The following ADA2 variants were observed in gnomAD, a reference collection of about 807,000 sequenced individuals.
ADA2 encodes adenosine deaminase 2, also known as adenosine deaminase CECR1.
A neutral mutation model predicts 44.2 loss-of-function variants in ADA2; 29 were observed. That is an observed-to-expected ratio of 0.66 (90% CI 0.49 to 0.89). The LOEUF is 0.89. ADA2 is among the 40% of genes least tolerant of loss of function. The probability of loss-of-function intolerance (pLI) is 0.00; values close to 1 mark genes in which losing one functional copy is unlikely to be tolerated. For synonymous variants in ADA2, 215 were observed against 234.9 expected (o/e 0.92, Z 0.77); for missense variants, 637 against 644.8 (o/e 0.99, Z 0.13).
At chr22:17,204,354 C>A (rs867800283) in intron 3 of ADA2, among the ~76,000 whole-genome samples, 1 of 151,864 alleles carries the variant, frequency 6.6e-6, no homozygotes, top group Admixed American at 6.6e-5. Flanking sequence ...TGGTGGCTCA[C>A]GCCTGTAATC....
rs755006464 is a variant in ADA2, at chr22:17,203,792, G to A, written c.543-19C>T. The A allele has an allele frequency of 6.3e-7, 1 of 1,583,398 alleles. No individual in the cohort carries two copies. The highest frequency in any genetic ancestry group is 8.7e-7 in the Non-Finnish European group (1 of 1,153,666). On this transcript the variant is annotated intron_variant, in intron 3 of 9. Coordinates refer to ENST00000399837, the MANE Select transcript of ADA2 (RefSeq NM_001282225.2). The stretch of plus-strand genomic sequence containing the variant: ...CAGCAAGCTGTCCAAGACACGAAGT[G>A]GGGAGTGGCAGAGGCATGATCCAGG...
chr22:17,204,608 CAA>C (rs376188550), intron 3 of ADA2, among the ~76,000 whole-genome samples: 11 of 132,506 alleles, frequency 8.3e-5, no homozygotes, highest in African/African-American at 1.1e-4. Context: ...AGACTCATCT[CAA>C]AAAAAAAAAA....
chr22:17,193,300 GA>G, intron 4 of ADA2: 1 of 374,578 alleles, frequency 2.7e-6, no homozygotes, highest in Non-Finnish European at 5.0e-6. Flanking sequence ...GCGCAGCAAA[GA>G]AAATGAGTAG....
At chr22:17,196,840 C>G (rs1601444517) in intron 4 of ADA2, among the ~76,000 whole-genome samples, 1 of 152,120 alleles carries the variant, frequency 6.6e-6, no homozygotes, top group Non-Finnish European at 1.5e-5. Flanking sequence ...AAAGAAATAA[C>G]CTTTAAAAAA....
intron 4 of ADA2, among the ~76,000 whole-genome samples, chr22:17,195,707 T>C (rs1349436136): frequency 6.6e-6 from 1 of 151,994 alleles, no homozygotes; most frequent in Non-Finnish European, 1.5e-5. Context: ...CATATCATTC[T>C]GACCGATAAT....
chr22:17,209,081 G>T (rs1157212214), intron 2 of ADA2, among the ~76,000 whole-genome samples: 1 of 151,956 alleles, frequency 6.6e-6, no homozygotes, highest in African/African-American at 2.4e-5. Flanking sequence ...TATCCTATGT[G>T]GTAGCTTAGC....
Position 17,188,406 on chromosome 22 carries a change from C to T in ADA2, c.1014G>A (p.Lys338=). 2.5e-6 allele frequency: 4 copies of T among 1,614,122 alleles called. No homozygotes were observed. Among genetic ancestry groups the T allele is most frequent in the Non-Finnish European group, 3.4e-6 (4 of 1,179,994 alleles). ...EDTGHSLHDY[K]EALMIPAKDG... Reference sequence around the variant, plus strand: ...CCTTGGCGGGGATCATCAGAGCTTCCTTGTAGTCATGCAAGGAGTGGCCAG... The same window carrying T: ...CCTTGGCGGGGATCATCAGAGCTTCTTTGTAGTCATGCAAGGAGTGGCCAG... The change falls in exon 7 of 10, where the codon AAG becomes AAA. Residue 338 remains lysine, a synonymous_variant. Transcript: ENST00000399837.
chr22:17,216,991 C>T (rs1908632337), intron 1 of ADA2, among the ~76,000 whole-genome samples: 1 of 151,788 alleles, frequency 6.6e-6, no homozygotes, highest in African/African-American at 2.4e-5. Flanking sequence ...CTGTAATTAA[C>T]ATCCTTAAAG....
chr22:17,194,271 C>T lies in ADA2; in HGVS notation c.754-2461G>A, dbSNP rs113937208. On this transcript the variant is annotated intron_variant, in intron 4 of 9. Coordinates refer to ENST00000399837, the MANE Select transcript of ADA2 (RefSeq NM_001282225.2). ...AAATGCCCTTCCTCCTCCCGGGAGT[C>T]GGCTCTTGCCTCTGTGGCATCTCAG... is the stretch of plus-strand genomic sequence containing the variant. Among the ~76,000 whole-genome samples the T allele has an allele frequency of 6.0e-3, 909 of 152,218 alleles. 2 individuals are homozygous for T. Among genetic ancestry groups the T allele is most frequent in the Non-Finnish European group, 8.9e-3 (603 of 68,006 alleles).
intron 4 of ADA2, among the ~76,000 whole-genome samples, chr22:17,202,320 G>A (rs1169040222): frequency 6.6e-6 from 1 of 152,168 alleles, no homozygotes; most frequent in African/African-American, 2.4e-5. Context: ...AGTAGAGACA[G>A]GGTTTCACCA....
At chr22:17,206,625 G>C (rs921330669) in intron 3 of ADA2, among the ~76,000 whole-genome samples, 4 of 152,112 alleles carry the variant, frequency 2.6e-5, no homozygotes, top group African/African-American at 9.7e-5. Context: ...ATCCTGCAAG[G>C]TTAAAAGAAA....
intron 1 of ADA2, among the ~76,000 whole-genome samples, chr22:17,212,187 G>A (rs556381170): frequency 6.6e-6 from 1 of 151,922 alleles, no homozygotes; most frequent in East Asian, 2.0e-4. Context: ...ACCACGCCCG[G>A]CTAATTTTTT....
At chr22:17,202,657 TC>T (rs1389330536) in intron 4 of ADA2, among the ~76,000 whole-genome samples, 1 of 152,172 alleles carries the variant, frequency 6.6e-6, no homozygotes, top group Non-Finnish European at 1.5e-5. Flanking sequence ...CCCCTGTGGT[TC>T]CCTCCAGCTA....
intron 4 of ADA2, among the ~76,000 whole-genome samples, chr22:17,194,032 A>AG (rs1381103016): frequency 6.6e-6 from 1 of 151,582 alleles, no homozygotes; most frequent in Non-Finnish European, 1.5e-5. Context: ...AAAAAAAAAA[A>AG]AAAGAAACAA....
intron 7 of ADA2, among the ~76,000 whole-genome samples, chr22:17,186,322 G>C (rs1186644090): frequency 1.3e-5 from 2 of 152,146 alleles, no homozygotes; most frequent in Non-Finnish European, 1.5e-5. Flanking sequence ...CATGAGGCCG[G>C]GTAATCCCAG....
chr22:17,202,083 C>T (rs754444649), intron 4 of ADA2, among the ~76,000 whole-genome samples: 14 of 150,284 alleles, frequency 9.3e-5, no homozygotes, highest in African/African-American at 1.7e-4. Context: ...GTGATTCTCC[C>T]GCCTCAGCCT....
At chr22:17,199,429 C>CCTCTATCCTCTTCCCCTCCCTCCCCTA in intron 4 of ADA2, 3 of 1,006,812 alleles carry the variant, frequency 3.0e-6, no homozygotes, top group Non-Finnish European at 3.2e-6. Context: ...TCCCTCCCCT[C>CCTCTATCCTCTTCCCCTCCCTCCCCTA]CTCTATCCTC....
chr22:17,215,147 GACAT>G (rs2062457045), intron 1 of ADA2, among the ~76,000 whole-genome samples: 1 of 152,184 alleles, frequency 6.6e-6, no homozygotes, highest in Non-Finnish European at 1.5e-5. Flanking sequence ...AATCTCTGTG[GACAT>G]ACATACTGAA....
intron 1 of ADA2, among the ~76,000 whole-genome samples, chr22:17,214,490 G>A (rs1335361653): frequency 1.3e-5 from 2 of 152,204 alleles, no homozygotes; most frequent in Admixed American, 6.5e-5. Flanking sequence ...CTAACGCTCT[G>A]AGGCCAGCCA....
Sources: allele counts gnomAD v4.1 joint callset (sites outside exome capture counted in the v4.1 genomes callset), GRCh38; gene constraint gnomAD v4.1.1; transcripts MANE v1.5; gene names NCBI Gene and HGNC (gene_info 2026-07-23, HGNC 2026-07-21).